The following KALRN variants were observed in gnomAD, a reference collection of about 807,000 sequenced individuals.
KALRN encodes kalirin.
KALRN carries 70 observed loss-of-function variants against 353.7 expected under a neutral mutation model. That is an observed-to-expected ratio of 0.20 (90% CI 0.16 to 0.24). The LOEUF (loss-of-function observed/expected upper bound fraction) is 0.24. KALRN is among the 10% of genes least tolerant of loss of function. The probability of loss-of-function intolerance (pLI) is 1.00; values close to 1 mark genes in which losing one functional copy is unlikely to be tolerated. For missense variants in KALRN, 2,791 were observed against 3,756.7 expected (o/e 0.74, Z 6.72); for synonymous variants, 1,391 against 1,434.8 (o/e 0.97, Z 0.69).
At chr3:124,459,923 GTTGT>G (rs1023183324) in intron 23 of KALRN, among the ~76,000 whole-genome samples, 4 of 152,124 alleles carry the variant, frequency 2.6e-5, no homozygotes, top group African/African-American at 9.7e-5. Flanking sequence ...CACAAATTGG[GTTGT>G]TTAAAGAGCA....
At chr3:124,454,004 C>T (rs913098902) in intron 21 of KALRN, among the ~76,000 whole-genome samples, 3 of 152,194 alleles carry the variant, frequency 2.0e-5, no homozygotes, top group Admixed American at 2.0e-4. Flanking sequence ...GCTCTTTACA[C>T]AGTACTACGG....
chr3:124,283,322 T>G (rs571729997), intron 5 of KALRN, among the ~76,000 whole-genome samples: 4 of 152,348 alleles, frequency 2.6e-5, no homozygotes, highest in Non-Finnish European at 5.9e-5. Context: ...AGCTCCGGGA[T>G]AAAGTTGGGC....
chr3:124,584,606 G>T, intron 34 of KALRN: 2 of 1,393,642 alleles, frequency 1.4e-6, no homozygotes, highest in Non-Finnish European at 1.9e-6. Flanking sequence ...TTGGAACTCC[G>T]CCCCTTAGGC....
chr3:124,312,665 C>G (rs988497957), intron 6 of KALRN, among the ~76,000 whole-genome samples: 1 of 152,172 alleles, frequency 6.6e-6, no homozygotes, highest in Non-Finnish European at 1.5e-5. Context: ...TCTGTGTGTA[C>G]CACACAGTAT....
In KALRN at chr3:124,057,894, T is replaced by C. The variant is rs532379147; in HGVS notation, c.73+24081T>C. 7.9e-5 allele frequency among the ~76,000 whole-genome samples: 12 copies of C among 152,272 alleles called. No individual in the cohort carries two copies. In the South Asian group the frequency reaches 1.7e-3, roughly 21 times the overall value. ...TTAAGAAAATGAGACTGGGCAACTG[T>C]ATTAGTTCCTTTTCATGCTGCTGAT... On this transcript the variant is annotated intron_variant, in intron 1 of 59. Coordinates refer to ENST00000682506, the MANE Select transcript of KALRN (RefSeq NM_001388419.1).
rs78034075 is a variant in KALRN at position 124,271,259 on chromosome 3, G to A, written c.969+2004G>A. ...CAGTGAGCAAGGGACAGAAAGGGAG[G>A]TGGGAGACTTAGGTCTGCCTAGGTA... On this transcript the variant is annotated intron_variant, in intron 5 of 59. Transcript: ENST00000682506. 4.2e-3 allele frequency among the ~76,000 whole-genome samples: 641 copies of A among 152,344 alleles called. 7 individuals are homozygous for A. The highest frequency in any genetic ancestry group is 0.014 in the African/African-American group (602 of 41,570).
At chr3:124,646,391 C>CTTTTTTTTTTTTTTTTTTTTT (rs10673161) in intron 37 of KALRN, among the ~76,000 whole-genome samples, 1,534 of 110,122 alleles carry the variant, frequency 0.014, 126 homozygotes, top group Non-Finnish European at 0.02. Flanking sequence ...CTTTTGTTTA[C>CTTTTTTTTTTTTTTTTTTTTT]TTTTTTTTTT....
chr3:124,415,358 A>G (rs116015173), intron 14 of KALRN, among the ~76,000 whole-genome samples: 190 of 152,388 alleles, frequency 1.2e-3, no homozygotes, highest in African/African-American at 4.3e-3. Flanking sequence ...TGATAATTAA[A>G]TCACAACATC....
chr3:124,495,459 G>T (rs1056751876), intron 32 of KALRN, among the ~76,000 whole-genome samples: 1 of 151,970 alleles, frequency 6.6e-6, no homozygotes, highest in Non-Finnish European at 1.5e-5. Context: ...ATCTTGGCCG[G>T]GTGCAGTGGC....
At position 124,696,051 on chromosome 3, in the gene KALRN, C is replaced by T. The variant is rs1416894279; in HGVS notation, c.7578-83C>T. On this transcript the variant is annotated intron_variant, in intron 53 of 59. Transcript: ENST00000682506. The stretch of plus-strand genomic sequence containing the variant: ...CCTGAGGACTCTCAGCTCAGCACAC[C>T]ATGGGCCAACCCTATGGGATTTTAC... 3 of 1,486,248 alleles carry T rather than the reference C, an allele frequency of 2.0e-6. No individual in the cohort carries two copies. In the African/African-American group the frequency reaches 4.2e-5, roughly 21 times the overall value. 92.1% of individuals were successfully genotyped at this position (1,486,248 alleles called of 1,614,324 possible). A position where few individuals can be genotyped will look rare whatever the true frequency, so the allele number is the denominator to read the frequency against.
rs2092280090 is a variant in KALRN, at chr3:124,412,919, G to A, written c.2347-551G>A. ...GCTCTTTAACTGATTGTGTAACTTT[G>A]GGCCATTCACCAGGTTTTTCTAGCC... is the stretch of plus-strand genomic sequence containing the variant. On this transcript the variant is annotated intron_variant, in intron 13 of 59. Coordinates refer to ENST00000682506, the MANE Select transcript of KALRN (RefSeq NM_001388419.1). 4.6e-5 allele frequency among the ~76,000 whole-genome samples: 7 copies of A among 152,172 alleles called. No individual in the cohort carries two copies. The South Asian group carries it at 1.5e-3, about 32-fold the overall frequency.
intron 1 of KALRN, among the ~76,000 whole-genome samples, chr3:124,208,379 G>T (rs1043231044): frequency 6.6e-6 from 1 of 152,160 alleles, no homozygotes; most frequent in African/African-American, 2.4e-5. Context: ...TTTAAGACAA[G>T]CAGGATGAAT....
At chr3:124,409,959 C>A (rs1412767927) in intron 13 of KALRN, among the ~76,000 whole-genome samples, 1 of 151,964 alleles carries the variant, frequency 6.6e-6, no homozygotes, top group Non-Finnish European at 1.5e-5. Context: ...GGGAGGGCAG[C>A]CTTAGGAGGA....
In KALRN at chr3:124,720,878, C is replaced by A. The variant is rs181490668; in HGVS notation, c.*1408C>A. 42 of 152,218 alleles carry A rather than the reference C, an allele frequency of 2.8e-4. 1 individual carries two copies. The highest frequency in any genetic ancestry group is 2.7e-3 in the Admixed American group (41 of 15,286). The allele number at this position is 152,218 out of a possible 1,614,324, so 9.4% of individuals were successfully genotyped here. A position where few individuals can be genotyped will look rare whatever the true frequency, so the allele number is the denominator to read the frequency against. On this transcript the variant is annotated 3_prime_UTR_variant, in exon 60 of 60. Coordinates refer to ENST00000682506, the MANE Select transcript of KALRN (RefSeq NM_001388419.1). ...AGGGAGCTTGTTTTTTGTGTTTGTA[C>A]ATGATCCACCCTTAGTTTTCTAGAA... is the stretch of plus-strand genomic sequence containing the variant.
intron 1 of KALRN, among the ~76,000 whole-genome samples, chr3:124,085,966 C>T (rs975324470): frequency 6.6e-5 from 10 of 152,062 alleles, no homozygotes; most frequent in South Asian, 2.1e-4. Flanking sequence ...CCAATTATTT[C>T]GCAAATCATA....
At chr3:124,068,882 T>G (rs978035585) in intron 1 of KALRN, among the ~76,000 whole-genome samples, 1 of 152,180 alleles carries the variant, frequency 6.6e-6, no homozygotes, top group South Asian at 2.1e-4. Flanking sequence ...TTCCACTGGA[T>G]GCATGAGGTA....
chr3:124,467,281 C>T, intron 25 of KALRN, among the ~76,000 whole-genome samples: 1 of 152,206 alleles, frequency 6.6e-6, no homozygotes, highest in East Asian at 1.9e-4. Context: ...TGAACCACAG[C>T]CACATTTCAG....
At chr3:124,594,974 A>T (rs1032244035) in intron 34 of KALRN, among the ~76,000 whole-genome samples, 1 of 150,686 alleles carries the variant, frequency 6.6e-6, no homozygotes, top group Non-Finnish European at 1.5e-5. Flanking sequence ...TTTTTTAAAA[A>T]TTTTATTTAT....
At chr3:124,679,565 T>C (rs1341554618) in intron 51 of KALRN, 48 bp downstream of exon 51, 3 of 1,475,026 alleles carry the variant, frequency 2.0e-6, no homozygotes, top group African/African-American at 2.8e-5. Flanking sequence ...TTGCCTTTTT[T>C]GATGTGTTCT....
Sources: gnomAD v4.1 joint callset for allele counts (sites outside exome capture counted in the v4.1 genomes callset) on GRCh38, gnomAD v4.1.1 for gene constraint, MANE v1.5 for transcripts, NCBI Gene and HGNC (gene_info 2026-07-23, HGNC 2026-07-21) for gene names.